HMG20A: variants seen among roughly 807,000 people sequenced by gnomAD.
HMG20A encodes the protein high mobility group protein 20A.
In HMG20A, 17 loss-of-function variants were observed where a neutral mutation model predicts 43.9. The ratio of observed to expected loss-of-function variants is 0.39; its 90% CI spans 0.27 to 0.58. The LOEUF (loss-of-function observed/expected upper bound fraction) is 0.58. Among genes scored for constraint, HMG20A ranks in the 20% least tolerant of loss-of-function variants. The pLI is 0.59. For missense variants in HMG20A, 341 were observed against 438.2 expected, an observed-to-expected ratio of 0.78 and a Z score of 1.98; for synonymous variants, 132 against 147.5, an observed-to-expected ratio of 0.89 and a Z score of 0.76.
intron 1 of HMG20A, among the ~76,000 whole-genome samples, chr15:77,421,659 G>A (rs1185869874): frequency 6.6e-6 from 1 of 152,092 alleles, no homozygotes; most frequent in Non-Finnish European, 1.5e-5. Context: ...AAAATCTGGG[G>A]CATTTTCATC....
the HMG20A span, among the ~76,000 whole-genome samples, chr15:77,510,846 T>G: frequency 6.6e-6 from 1 of 152,372 alleles, no homozygotes; most frequent in African/African-American, 2.4e-5. Flanking sequence ...CCCTGAGCTT[T>G]CAGCCCAATT....
chr15:77,469,707 G>T (rs980950888), intron 4 of HMG20A, among the ~76,000 whole-genome samples: 1 of 151,872 alleles, frequency 6.6e-6, no homozygotes, highest in East Asian at 1.9e-4. Flanking sequence ...TTGCTCTGTC[G>T]CCCAAACTGG....
the HMG20A span, among the ~76,000 whole-genome samples, chr15:77,492,828 TAAAG>T: frequency 1.3e-5 from 2 of 150,092 alleles, no homozygotes; most frequent in African/African-American, 2.5e-5. Context: ...AATAAATAAA[TAAAG>T]AAGAGGAAGA....
intron 1 of HMG20A, among the ~76,000 whole-genome samples, chr15:77,431,281 A>C (rs571665554): frequency 6.6e-6 from 1 of 152,064 alleles, no homozygotes; most frequent in African/African-American, 2.4e-5. Flanking sequence ...GCGTGATCTC[A>C]GCTCACTGCA....
At chr15:77,441,076 C>T (rs2073607794) in intron 1 of HMG20A, among the ~76,000 whole-genome samples, 1 of 152,142 alleles carries the variant, frequency 6.6e-6, no homozygotes, top group East Asian at 1.9e-4. Flanking sequence ...TGACACCATA[C>T]TACCTGCTTT....
chr15:77,492,342 A>G, the HMG20A span, among the ~76,000 whole-genome samples: 5 of 152,200 alleles, frequency 3.3e-5, no homozygotes, highest in African/African-American at 1.2e-4. Flanking sequence ...TCCTGCCAAT[A>G]CTACTGGGGC....
chr15:77,490,243 G>T (rs1174986652), downstream of HMG20A, among the ~76,000 whole-genome samples: 2 of 152,076 alleles, frequency 1.3e-5, no homozygotes, highest in East Asian at 3.9e-4. Context: ...AGCCAAGATT[G>T]TGCCACTGCA....
At chr15:77,474,988 G>A (rs1240072520) in intron 6 of HMG20A, among the ~76,000 whole-genome samples, 1 of 152,152 alleles carries the variant, frequency 6.6e-6, no homozygotes, top group African/African-American at 2.4e-5. Flanking sequence ...CCAAGAGTTA[G>A]CGAGTATTAC....
chr15:77,468,858 A>G (rs930915974), intron 4 of HMG20A, among the ~76,000 whole-genome samples: 122 of 152,204 alleles, frequency 8.0e-4, no homozygotes, highest in African/African-American at 2.9e-3. Flanking sequence ...CCCTTCCAAA[A>G]CAGGTTCCAG....
chr15:77,435,493 C>G (rs946672306), intron 1 of HMG20A, among the ~76,000 whole-genome samples: 1 of 151,960 alleles, frequency 6.6e-6, no homozygotes, highest in African/African-American at 2.4e-5. Context: ...GGGGTTTCAC[C>G]ATGTTGGCCA....
At chr15:77,501,331 T>C in the HMG20A span, among the ~76,000 whole-genome samples, 2 of 152,168 alleles carry the variant, frequency 1.3e-5, no homozygotes, top group Non-Finnish European at 2.9e-5. Flanking sequence ...CCTGGCAACT[T>C]CTTGAGAGAT....
intron 1 of HMG20A, among the ~76,000 whole-genome samples, chr15:77,439,410 C>A (rs147250475): frequency 6.6e-5 from 10 of 152,154 alleles, no homozygotes; most frequent in Non-Finnish European, 1.3e-4. Flanking sequence ...TCTCTCCCCA[C>A]GAGAGATAAC....
chr15:77,465,665 G>A (rs1252822860), intron 3 of HMG20A, among the ~76,000 whole-genome samples: 1 of 152,100 alleles, frequency 6.6e-6, no homozygotes, highest in Non-Finnish European at 1.5e-5. Flanking sequence ...AAAGTGCTGG[G>A]ATTACAGGTG....
intron 1 of HMG20A, among the ~76,000 whole-genome samples, chr15:77,432,958 T>G (rs2073503201): frequency 2.0e-5 from 3 of 152,102 alleles, no homozygotes; most frequent in African/African-American, 7.2e-5. Context: ...GATTTGAAAT[T>G]TTAGATGAAA....
At position 77,464,307 on chromosome 15, in the gene HMG20A, G is replaced by A. The variant is rs757935496; in HGVS notation, c.157G>A (p.Glu53Lys). 1.2e-6 allele frequency: 2 copies of A among 1,613,750 alleles called. No individual in the cohort carries two copies. Among genetic ancestry groups the A allele is most frequent in the Non-Finnish European group, 1.7e-6 (2 of 1,179,852 alleles). Residue 53 changes from glutamate (E) to lysine (K), a missense_variant, in exon 3 of 10, where the codon GAG becomes AAG. Glu to Lys is a moderately conservative substitution (Grantham distance 56). Coordinates refer to ENST00000336216, the MANE Select transcript of HMG20A (RefSeq NM_001304504.2). ...TSSTNNPEFV[E>K]DLSQGQLLQS... ...ATCCACCAACAATCCAGAATTTGTG[G>A]AGGATCTCTCTCAAGGTCAGTTGCT...
At chr15:77,516,873 G>A in the HMG20A span, among the ~76,000 whole-genome samples, 1 of 152,188 alleles carries the variant, frequency 6.6e-6, no homozygotes, top group African/African-American at 2.4e-5. Context: ...ACTAAATAAG[G>A]GGACTAAGGC....
chr15:77,493,039 C>T, the HMG20A span, among the ~76,000 whole-genome samples: 5 of 152,126 alleles, frequency 3.3e-5, no homozygotes, highest in African/African-American at 1.2e-4. Flanking sequence ...AGTCTACTTT[C>T]ATTACTTGGT....
At chr15:77,450,318 G>A (rs2073722653) in intron 1 of HMG20A, among the ~76,000 whole-genome samples, 1 of 151,928 alleles carries the variant, frequency 6.6e-6, no homozygotes, top group Non-Finnish European at 1.5e-5. Context: ...TTGAGTATTT[G>A]CATACACATA....
chr15:77,503,675 A>C, the HMG20A span, among the ~76,000 whole-genome samples: 41 of 152,350 alleles, frequency 2.7e-4, no homozygotes, highest in African/African-American at 9.1e-4. Flanking sequence ...ACACGATTCT[A>C]GGGGTGCTGC....
Sources: allele counts gnomAD v4.1 joint callset (sites outside exome capture counted in the v4.1 genomes callset), GRCh38; gene constraint gnomAD v4.1.1; transcripts MANE v1.5; gene names NCBI Gene and HGNC (gene_info 2026-07-23, HGNC 2026-07-21).